Variants in STK3 observed in about 807,000 individuals in gnomAD.
STK3 encodes the protein serine/threonine-protein kinase 3.
In STK3, 41 loss-of-function variants were observed where a neutral mutation model predicts 58.0. The observed-to-expected ratio is 0.71, with a 90% confidence interval of 0.55 to 0.92. The LOEUF is 0.92. Ranked by LOEUF, STK3 falls within the 40% of genes least tolerant of loss-of-function variation. STK3 has a pLI of 0.00. For synonymous variants in STK3, 170 were observed against 191.0 expected (o/e 0.89, Z 0.91); for missense variants, 479 against 602.7 (o/e 0.79, Z 2.15).
intron 10 of STK3, among the ~76,000 whole-genome samples, chr8:98,516,219 G>A (rs1472254780): frequency 6.6e-6 from 1 of 151,842 alleles, no homozygotes; most frequent in Non-Finnish European, 1.5e-5. Context: ...TAAATATGGC[G>A]TCAAGAGGAA....
rs142753044 is a variant in STK3, at chr8:98,493,987, C to T, written c.1317+32755G>A. Among the ~76,000 whole-genome samples, 263 of 152,308 alleles carry T rather than the reference C, an allele frequency of 1.7e-3. 3 individuals are homozygous for T. Among genetic ancestry groups the T allele is most frequent in the African/African-American group, 5.9e-3 (246 of 41,552 alleles). ...CTGTCCCCTAATATCAATTTCATTG[C>T]TTTTGTTCATTTCTCATTTGGACTA... On this transcript the variant is annotated intron_variant, in intron 10 of 10. Coordinates refer to ENST00000419617, the MANE Select transcript of STK3 (RefSeq NM_006281.4).
intron 2 of STK3, among the ~76,000 whole-genome samples, chr8:98,372,142 T>A (rs1817616626): frequency 6.6e-6 from 1 of 152,186 alleles, no homozygotes; most frequent in African/African-American, 2.4e-5. Flanking sequence ...CCAGCTGCCA[T>A]CAGAAGCTAG....
rs575408753 is a variant in STK3, at chr8:98,537,904, T to C, written c.1141+10065A>G. 2.6e-5 allele frequency among the ~76,000 whole-genome samples: 4 copies of C among 152,280 alleles called. No homozygotes were observed. In the South Asian group the frequency reaches 8.3e-4, roughly 32 times the overall value. On this transcript the variant is annotated intron_variant, in intron 9 of 10. Coordinates refer to ENST00000419617, the MANE Select transcript of STK3 (RefSeq NM_006281.4). ...CAAGTAAACTAAATTGTGAGAAATA[T>C]AATACCGTAGAAAATACGTCAGTCC... is the stretch of plus-strand genomic sequence containing the variant.
rs1246183655 is a variant in STK3, at chr8:98,548,157, T to A, written c.953A>T (p.Glu318Val). ...CATGGTGTGGGAATCCAGCTCATCT[T>A]CATCCTGCAAGCAAAATACTGCAAT... ...ELEEEEENSD[E>V]DELDSHTMVK... The change falls in exon 9 of 11, where the codon GAA (glutamate) becomes GTA (valine). Residue 318 changes from glutamate to valine, a missense_variant. Physicochemically the swap from Glu to Val is moderately radical, Grantham distance 121 (BLOSUM62 -2). This residue lies in a region of STK3 where 309 missense variants were observed against 355.7 expected (regional missense o/e 0.87). Coordinates refer to ENST00000419617, the MANE Select transcript of STK3 (RefSeq NM_006281.4). 21 of 1,536,318 alleles carry A rather than the reference T, an allele frequency of 1.4e-5. No homozygotes were observed. The highest frequency in any genetic ancestry group is 1.8e-5 in the Non-Finnish European group (21 of 1,142,800).
At chr8:98,446,315 A>G (rs1446123468) in intron 1 of STK3, among the ~76,000 whole-genome samples, 2 of 152,254 alleles carry the variant, frequency 1.3e-5, no homozygotes, top group Non-Finnish European at 2.9e-5. Flanking sequence ...GGGTAGGAAC[A>G]AAGCTGCCTT....
intron 3 of STK3, among the ~76,000 whole-genome samples, chr8:98,849,203 G>A (rs1836336225): frequency 6.8e-6 from 1 of 147,996 alleles, no homozygotes; most frequent in African/African-American, 2.5e-5. Flanking sequence ...TACAGCCTGG[G>A]TGACAGAGTG....
intron 6 of STK3, among the ~76,000 whole-genome samples, chr8:98,613,769 A>G (rs1465672900): frequency 2.0e-5 from 3 of 152,174 alleles, no homozygotes; most frequent in Non-Finnish European, 2.9e-5. Flanking sequence ...GGTAGATTTT[A>G]AAATGCAACT....
At chr8:98,857,701 T>C (rs1318452499) in intron 3 of STK3, among the ~76,000 whole-genome samples, 1 of 152,176 alleles carries the variant, frequency 6.6e-6, no homozygotes, top group Middle Eastern at 3.2e-3. Context: ...TCAATGACCA[T>C]AAAATAGAAG....
In STK3 at chr8:98,548,111, A is replaced by C; in HGVS notation, c.999T>G (p.Ser333Arg). The C allele has an allele frequency of 6.2e-7, 1 of 1,601,940 alleles. No homozygotes were observed. The highest frequency in any genetic ancestry group is 8.5e-7 in the Non-Finnish European group (1 of 1,174,694). ...SHTMVKTSVE[S>R]VGTMRATSTM... ...TGCTTGTGGCCCGCATGGTGCCCAC[A>C]CTCTCCACACTAGTCTTCACCATGG... Residue 333 changes from serine (S) to arginine (R), a missense_variant, in exon 9 of 11, where the codon AGT becomes AGG. By Grantham distance (110) the Ser-to-Arg change is moderately radical (BLOSUM62 -1). Transcript: ENST00000419617.
intron 6 of STK3, among the ~76,000 whole-genome samples, chr8:98,640,396 A>G (rs1393773494): frequency 6.6e-6 from 1 of 152,196 alleles, no homozygotes; most frequent in Non-Finnish European, 1.5e-5. Context: ...AAATTGTGGC[A>G]AAACTTCAAG....
At chr8:98,364,812 A>G in the STK3 span, among the ~76,000 whole-genome samples, 1 of 152,210 alleles carries the variant, frequency 6.6e-6, no homozygotes, top group African/African-American at 2.4e-5. Context: ...AGAAGAGGTT[A>G]GCAGTTGGGA....
intron 9 of STK3, among the ~76,000 whole-genome samples, chr8:98,528,321 A>T (rs1011578372): frequency 4.6e-5 from 7 of 152,184 alleles, no homozygotes; most frequent in Non-Finnish European, 1.0e-4. Flanking sequence ...TAAATAGGAA[A>T]TAAATATTTG....
rs991907758 is a variant in STK3 at position 98,673,917 on chromosome 8, T to C, written c.684+32550A>G. ...CACATAAACTGGTAAATATGTAGAA[T>C]ACTATGCTACATTCCAAAGATTAAA... is the stretch of plus-strand genomic sequence containing the variant. On this transcript the variant is annotated intron_variant, in intron 6 of 10. Coordinates refer to ENST00000419617, the MANE Select transcript of STK3 (RefSeq NM_006281.4). 4.6e-5 allele frequency among the ~76,000 whole-genome samples: 7 copies of C among 152,238 alleles called. No homozygotes were observed. In the South Asian group the frequency reaches 8.3e-4, roughly 18 times the overall value.
At chr8:98,367,740 A>T (rs1459011990), downstream of STK3, among the ~76,000 whole-genome samples, 3 of 152,236 alleles carry the variant, frequency 2.0e-5, no homozygotes, top group Admixed American at 6.5e-5. Flanking sequence ...GTGAAAGAAG[A>T]CAGCCTTTCG....
At chr8:98,514,025 G>T (rs1035964416) in intron 10 of STK3, among the ~76,000 whole-genome samples, 5 of 152,112 alleles carry the variant, frequency 3.3e-5, no homozygotes, top group Non-Finnish European at 7.4e-5. Flanking sequence ...ACCAGATTAT[G>T]CCAGAGTGAG....
chr8:98,377,484 T>C (rs936406676), intron 2 of STK3, among the ~76,000 whole-genome samples: 1 of 150,800 alleles, frequency 6.6e-6, no homozygotes, highest in Non-Finnish European at 1.5e-5. Flanking sequence ...AATTATTGAA[T>C]TATTATTATA....
downstream of STK3, chr8:98,883,468 A>G (rs2131902857): frequency 3.6e-6 from 2 of 552,830 alleles, no homozygotes; most frequent in East Asian, 5.9e-5. Context: ...GGGCTAAAAT[A>G]TCTGCAAGGA....
At chr8:98,659,077 C>A (rs1821768336) in intron 6 of STK3, among the ~76,000 whole-genome samples, 1 of 151,978 alleles carries the variant, frequency 6.6e-6, no homozygotes, top group East Asian at 1.9e-4. Flanking sequence ...CCTAGGTGTA[C>A]AGACAGCTAT....
chr8:98,387,662 C>T (rs761551145), intron 1 of STK3, among the ~76,000 whole-genome samples: 3 of 152,122 alleles, frequency 2.0e-5, no homozygotes, highest in Non-Finnish European at 4.4e-5. Flanking sequence ...GCAGGAGAAT[C>T]GCTTGAACCT....
Sources: gnomAD v4.1 joint callset for allele counts (sites outside exome capture counted in the v4.1 genomes callset) on GRCh38, gnomAD v4.1.1 for gene constraint, gnomAD v4.1.1 regional missense constraint, MANE v1.5 for transcripts, NCBI Gene and HGNC (gene_info 2026-07-23, HGNC 2026-07-21) for gene names.